CDKAL1: variants seen among roughly 807,000 people sequenced by gnomAD.
CDKAL1 encodes CDKAL1 threonylcarbamoyladenosine tRNA methylthiotransferase, also known as threonylcarbamoyladenosine tRNA methylthiotransferase.
A neutral mutation model predicts 68.2 loss-of-function variants in CDKAL1; 32 were observed. The ratio of observed to expected loss-of-function variants is 0.47; its 90% confidence interval spans 0.35 to 0.63. The LOEUF (loss-of-function observed/expected upper bound fraction) is 0.63, where lower values mean the gene tolerates loss of function less well. Ranked by LOEUF, CDKAL1 falls within the 30% of genes least tolerant of loss-of-function variation. The probability of loss-of-function intolerance (pLI) is 0.00; values close to 1 mark genes in which losing one functional copy is unlikely to be tolerated. For missense variants in CDKAL1, 606 were observed against 696.7 expected (o/e 0.87, Z 1.47); for synonymous variants, 234 against 244.3 (o/e 0.96, Z 0.39).
intron 9 of CDKAL1, among the ~76,000 whole-genome samples, chr6:20,859,089 C>T (rs1759483030): frequency 6.6e-6 from 1 of 151,296 alleles, no homozygotes; most frequent in African/African-American, 2.4e-5. Context: ...CTTTTTGTTA[C>T]TTGACTAAGC....
intron 8 of CDKAL1, among the ~76,000 whole-genome samples, chr6:20,798,338 A>C (rs1319954968): frequency 6.6e-6 from 1 of 152,128 alleles, no homozygotes; most frequent in African/African-American, 2.4e-5. Context: ...AGAACTGTAC[A>C]CCTTCCAGAA....
intron 12 of CDKAL1, among the ~76,000 whole-genome samples, chr6:21,067,316 G>T (rs1279308616): frequency 6.6e-6 from 1 of 152,150 alleles, no homozygotes; most frequent in Non-Finnish European, 1.5e-5. Flanking sequence ...TTGGATTTTG[G>T]GTTTTTGGGG....
intron 12 of CDKAL1, among the ~76,000 whole-genome samples, chr6:21,080,054 C>G (rs919322980): frequency 7.0e-6 from 1 of 143,866 alleles, no homozygotes; most frequent in Non-Finnish European, 1.5e-5. Context: ...TTTGAAGAAG[C>G]TGGAGCCCTG....
intron 4 of CDKAL1, among the ~76,000 whole-genome samples, chr6:20,607,179 A>G (rs900020169): frequency 1.3e-5 from 2 of 152,234 alleles, no homozygotes; most frequent in African/African-American, 2.4e-5. Context: ...AGTAGTTTTT[A>G]GAAGTAGTTT....
intron 4 of CDKAL1, among the ~76,000 whole-genome samples, chr6:20,644,695 C>CA (rs70990057): frequency 0.23 from 35,019 of 151,724 alleles, 4,391 homozygotes; most frequent in African/African-American, 0.3. Flanking sequence ...AAAAACACAA[C>CA]AAAAAAAAGA....
chr6:20,915,543 C>G (rs1346008903), intron 9 of CDKAL1, among the ~76,000 whole-genome samples: 1 of 152,194 alleles, frequency 6.6e-6, no homozygotes, highest in Non-Finnish European at 1.5e-5. Flanking sequence ...TACTCAAACT[C>G]TACAGATTTA....
At chr6:20,606,199 A>G (rs1392317130) in intron 4 of CDKAL1, among the ~76,000 whole-genome samples, 1 of 152,126 alleles carries the variant, frequency 6.6e-6, no homozygotes, top group Non-Finnish European at 1.5e-5. Flanking sequence ...TGTTAATGTT[A>G]TTTCTGAGAC....
At chr6:20,742,567 T>C (rs1773505238) in intron 6 of CDKAL1, among the ~76,000 whole-genome samples, 1 of 152,118 alleles carries the variant, frequency 6.6e-6, no homozygotes, top group African/African-American at 2.4e-5. Context: ...AGTGTGGCAT[T>C]AGTGTTCTAT....
At chr6:20,676,359 T>C (rs913784826) in intron 5 of CDKAL1, among the ~76,000 whole-genome samples, 31 of 152,170 alleles carry the variant, frequency 2.0e-4, no homozygotes, top group Non-Finnish European at 3.7e-4. Context: ...GTAAGTGCCC[T>C]AGACAGGTGT....
At chr6:20,786,129 G>A (rs1775661388) in intron 8 of CDKAL1, among the ~76,000 whole-genome samples, 1 of 152,154 alleles carries the variant, frequency 6.6e-6, no homozygotes, top group Non-Finnish European at 1.5e-5. Context: ...GGAGGCTGAG[G>A]CAGGAGAATT....
chr6:20,799,044 T>G (rs965870170), intron 8 of CDKAL1, among the ~76,000 whole-genome samples: 5 of 102,588 alleles, frequency 4.9e-5, no homozygotes, highest in African/African-American at 2.0e-4. Flanking sequence ...AACTGAGTTT[T>G]TTTTTTTTTT....
At chr6:21,192,520 C>G (rs1009940811) in intron 13 of CDKAL1, among the ~76,000 whole-genome samples, 25 of 150,294 alleles carry the variant, frequency 1.7e-4, no homozygotes, top group Non-Finnish European at 7.4e-5. Flanking sequence ...GGAATAAGCT[C>G]TGAAGGTAAG....
chr6:20,795,825 T>G (rs1384784342), intron 8 of CDKAL1, among the ~76,000 whole-genome samples: 1 of 152,178 alleles, frequency 6.6e-6, no homozygotes, highest in Non-Finnish European at 1.5e-5. Context: ...TGGCCAGTGC[T>G]TGGGTGAACT....
At chr6:20,952,397 A>G (rs1271289197) in intron 9 of CDKAL1, among the ~76,000 whole-genome samples, 2 of 152,158 alleles carry the variant, frequency 1.3e-5, no homozygotes, top group African/African-American at 4.8e-5. Context: ...ATTTTGGTCT[A>G]AGGCTGTGTT....
intron 9 of CDKAL1, among the ~76,000 whole-genome samples, chr6:20,897,698 T>C (rs1003667549): frequency 1.3e-5 from 2 of 152,104 alleles, no homozygotes; most frequent in African/African-American, 4.8e-5. Context: ...GAAAAAAGAC[T>C]GAATTGAGAT....
At chr6:20,567,132 C>T (rs16901563) in intron 4 of CDKAL1, among the ~76,000 whole-genome samples, 10,618 of 151,374 alleles carry the variant, frequency 0.07, 534 homozygotes, top group African/African-American at 0.14. Context: ...CTCAAATATC[C>T]GAAAAACTTG....
intron 7 of CDKAL1, among the ~76,000 whole-genome samples, chr6:20,777,682 G>A (rs1775231866): frequency 6.6e-6 from 1 of 152,080 alleles, no homozygotes; most frequent in Non-Finnish European, 1.5e-5. Flanking sequence ...CATATTTTTA[G>A]CTTTACATGA....
chr6:21,203,953 A>T (rs1239974509), intron 15 of CDKAL1, among the ~76,000 whole-genome samples: 1 of 152,122 alleles, frequency 6.6e-6, no homozygotes, highest in Non-Finnish European at 1.5e-5. Flanking sequence ...TGAAGGTTAT[A>T]TGCACATTTT....
At chr6:20,579,382 G>C (rs1765050117) in intron 4 of CDKAL1, among the ~76,000 whole-genome samples, 1 of 152,100 alleles carries the variant, frequency 6.6e-6, no homozygotes, top group African/African-American at 2.4e-5. Flanking sequence ...ATTGTGCTTA[G>C]CCTCTCAAAG....
Sources: gnomAD v4.1 joint callset for allele counts (sites outside exome capture counted in the v4.1 genomes callset) on GRCh38, gnomAD v4.1.1 for gene constraint, MANE v1.5 for transcripts, NCBI Gene and HGNC (gene_info 2026-07-23, HGNC 2026-07-21) for gene names.